The following UNC5B variants were observed in gnomAD, a reference collection of about 807,000 sequenced individuals.
The protein encoded by UNC5B is netrin receptor UNC5B.
UNC5B carries 56 observed loss-of-function variants against 103.7 expected under a neutral mutation model. The ratio of observed to expected loss-of-function variants is 0.54; its 90% CI spans 0.44 to 0.67. UNC5B has a LOEUF of 0.67. Ranked by LOEUF, UNC5B falls within the 30% of genes least tolerant of loss-of-function variation. The pLI, the probability that UNC5B is intolerant of heterozygous loss-of-function variation, is 0.00. For missense variants in UNC5B, 1,194 were observed against 1,284.5 expected, an observed-to-expected ratio of 0.93 and a Z score of 1.08; for synonymous variants, 577 against 542.0, an observed-to-expected ratio of 1.06 and a Z score of -0.90.
intron 1 of UNC5B, among the ~76,000 whole-genome samples, chr10:71,256,029 A>G (rs1242119303): frequency 3.3e-5 from 5 of 152,162 alleles, no homozygotes; most frequent in South Asian, 2.1e-4. Context: ...GTTCTCAGTG[A>G]TCCTTCTGTG....
intron 13 of UNC5B, among the ~76,000 whole-genome samples, chr10:71,294,736 A>C (rs1845362714): frequency 6.6e-6 from 1 of 151,342 alleles, no homozygotes; most frequent in Non-Finnish European, 1.5e-5. Flanking sequence ...AGGAAGGGTC[A>C]TGCAGATGAG....
chr10:71,261,285 G>A (rs1004475297), intron 1 of UNC5B, among the ~76,000 whole-genome samples: 5 of 152,218 alleles, frequency 3.3e-5, no homozygotes, highest in Non-Finnish European at 5.9e-5. Flanking sequence ...TTGTGGCTGA[G>A]TATAGTCCTG....
At chr10:71,291,926 A>C in intron 10 of UNC5B, 105 bp downstream of exon 10, 14 of 1,409,912 alleles carry the variant, frequency 9.9e-6, no homozygotes, top group African/African-American at 2.9e-5. Context: ...ATCCCATCTC[A>C]CAGATGGGGA....
intron 1 of UNC5B, among the ~76,000 whole-genome samples, chr10:71,270,887 G>A (rs1336152793): frequency 6.6e-6 from 1 of 152,184 alleles, no homozygotes; most frequent in Non-Finnish European, 1.5e-5. Context: ...TTGCCTTAGG[G>A]GGACAGCAGC....
At chr10:71,238,678 C>T (rs1322340057) in intron 1 of UNC5B, among the ~76,000 whole-genome samples, 1 of 152,182 alleles carries the variant, frequency 6.6e-6, no homozygotes, top group South Asian at 2.1e-4. Flanking sequence ...TGGTCTTGAA[C>T]TCCTGACCTC....
chr10:71,275,270 C>T (rs2132294416), intron 1 of UNC5B, among the ~76,000 whole-genome samples: 1 of 152,356 alleles, frequency 6.6e-6, no homozygotes, highest in Non-Finnish European at 1.5e-5. Flanking sequence ...AAAAACACTT[C>T]ATGTGGGAAT....
intron 1 of UNC5B, among the ~76,000 whole-genome samples, chr10:71,262,263 C>T (rs1010743206): frequency 3.9e-5 from 6 of 152,186 alleles, no homozygotes; most frequent in South Asian, 2.1e-4. Context: ...CCCTCATTAC[C>T]GGAGCCTGGA....
chr10:71,297,107 C>T (rs1035234271), intron 15 of UNC5B, among the ~76,000 whole-genome samples: 16 of 152,134 alleles, frequency 1.1e-4, no homozygotes, highest in African/African-American at 3.4e-4. Flanking sequence ...CCAGAGGATA[C>T]CTCTAGGGTT....
chr10:71,262,547 G>A (rs1844437622), intron 1 of UNC5B, among the ~76,000 whole-genome samples: 2 of 152,180 alleles, frequency 1.3e-5, no homozygotes, highest in South Asian at 2.1e-4. Flanking sequence ...ATTCATGCAC[G>A]AAGGATTTAT....
In UNC5B at chr10:71,279,746, C is replaced by T. The variant is rs1282838093; in HGVS notation, c.80-75C>T. On this transcript the variant is annotated intron_variant, in intron 1 of 16. Coordinates refer to ENST00000335350, the MANE Select transcript of UNC5B (RefSeq NM_170744.5). ...CCCTGTCCTCTTCGTCTGCGGTGGG[C>T]CCCCGGGGTGGGCGAGGGGTGCCAC... is the stretch of plus-strand genomic sequence containing the variant. 13 of 1,485,276 alleles carry T rather than the reference C, an allele frequency of 8.8e-6. No homozygotes were observed. In the Admixed American group the frequency reaches 1.8e-4, roughly 21 times the overall value. The allele number at this position is 1,485,276 out of a possible 1,614,324, so 92.0% of individuals were successfully genotyped here.
Position 71,286,811 on chromosome 10 carries a change from C to G in UNC5B, c.675C>G (p.Cys225Trp). 6.2e-7 allele frequency: 1 copy of G among 1,614,214 alleles called. No individual in the cohort carries two copies. Among genetic ancestry groups the G allele is most frequent in the Non-Finnish European group, 8.5e-7 (1 of 1,180,044 alleles). Reference protein sequence around the residue: ...ARLSDTANYTCVAKNIVAKRR... With the variant: ...ARLSDTANYTWVAKNIVAKRR... The stretch of plus-strand genomic sequence containing the variant: ...TGTCGGACACTGCCAACTATACCTG[C>G]GTGGCCAAGAACATCGTGGCCAAAC... Residue 225 changes from cysteine (C) to tryptophan (W), a missense_variant, in exon 5 of 17, where the codon TGC becomes TGG. Transcript: ENST00000335350.
In UNC5B at chr10:71,285,399, C is replaced by T. The variant is rs759084639; in HGVS notation, c.522C>T (p.Cys174=). 6.2e-7 allele frequency: 1 copy of T among 1,606,692 alleles called. No homozygotes were observed. Among genetic ancestry groups the T allele is most frequent in the Admixed American group, 1.7e-5 (1 of 59,092 alleles). The change falls in exon 4 of 17, where the codon TGC becomes TGT. Residue 174 remains cysteine, a synonymous_variant. Coordinates refer to ENST00000335350, the MANE Select transcript of UNC5B (RefSeq NM_170744.5). ...TGGACCATGAGGTTCTCCTGCAGTG[C>T]CGCCCGCCGGAGGGGGTGCCTGTGG... ...VPLDHEVLLQ[C]RPPEGVPVAE...
chr10:71,269,522 A>T (rs936962994), intron 1 of UNC5B, among the ~76,000 whole-genome samples: 3 of 151,780 alleles, frequency 2.0e-5, no homozygotes, highest in Admixed American at 2.0e-4. Context: ...GCAGCATGGA[A>T]TTTCCCAAGG....
intron 1 of UNC5B, among the ~76,000 whole-genome samples, chr10:71,227,641 CAT>C (rs367715979): frequency 0.07 from 9,591 of 136,728 alleles, 398 homozygotes; most frequent in African/African-American, 0.082. Flanking sequence ...TATATATACA[CAT>C]ATACATATAT....
intron 1 of UNC5B, among the ~76,000 whole-genome samples, chr10:71,270,134 G>A (rs1404960211): frequency 6.6e-6 from 1 of 152,130 alleles, no homozygotes; most frequent in Non-Finnish European, 1.5e-5. Flanking sequence ...TGGATCACCT[G>A]AGGTCAGGAG....
At chr10:71,269,018 G>A (rs1351521820) in intron 1 of UNC5B, among the ~76,000 whole-genome samples, 3 of 152,208 alleles carry the variant, frequency 2.0e-5, no homozygotes, top group East Asian at 1.9e-4. Context: ...ACGTGTGACC[G>A]TGCGGGGGCT....
intron 1 of UNC5B, among the ~76,000 whole-genome samples, chr10:71,263,316 C>T (rs1338350385): frequency 6.6e-6 from 1 of 152,232 alleles, no homozygotes; most frequent in African/African-American, 2.4e-5. Context: ...CAAAGGGAGG[C>T]CCCTTCAGGC....
At chr10:71,275,714 T>G (rs921892923) in intron 1 of UNC5B, among the ~76,000 whole-genome samples, 1 of 152,046 alleles carries the variant, frequency 6.6e-6, no homozygotes, top group African/African-American at 2.4e-5. Flanking sequence ...ACTCATAGGC[T>G]TGTGGTTCCC....
intron 12 of UNC5B, 36 bp from the exon 13 acceptor site, chr10:71,293,664 C>G (rs1564514205): frequency 1.2e-6 from 2 of 1,601,742 alleles, no homozygotes; most frequent in Non-Finnish European, 1.7e-6. Flanking sequence ...GCCTGAATAA[C>G]TGTGACCACT....
Sources: gnomAD v4.1 joint callset for allele counts (sites outside exome capture counted in the v4.1 genomes callset) on GRCh38, gnomAD v4.1.1 for gene constraint, MANE v1.5 for transcripts, NCBI Gene and HGNC (gene_info 2026-07-23, HGNC 2026-07-21) for gene names.